The following KCNC1 variants were observed in gnomAD, a reference collection of about 807,000 sequenced individuals.
KCNC1 encodes potassium voltage-gated channel subfamily C member 1.
In KCNC1, 8 loss-of-function variants were observed where a neutral mutation model predicts 43.4. The ratio of observed to expected loss-of-function variants is 0.18; its 90% CI spans 0.11 to 0.33. The LOEUF is 0.33. Among genes scored for constraint, KCNC1 ranks in the 10% least tolerant of loss-of-function variants. The pLI is 1.00. For missense variants in KCNC1, 420 were observed against 836.0 expected, an observed-to-expected ratio of 0.50 and a Z score of 6.14; for synonymous variants, 361 against 360.5, an observed-to-expected ratio of 1.00 and a Z score of -0.01.
At chr11:17,772,960 C>G (rs998048150) in intron 2 of KCNC1, 2 of 1,144,006 alleles carry the variant, frequency 1.7e-6, no homozygotes, top group African/African-American at 1.6e-5. Flanking sequence ...AGGCTACTGA[C>G]CCGGTGTTGG....
chr11:17,778,928 G>A (rs1279994472), intron 2 of KCNC1, among the ~76,000 whole-genome samples: 2 of 152,066 alleles, frequency 1.3e-5, no homozygotes, highest in South Asian at 2.1e-4. Flanking sequence ...GGGAGATGGG[G>A]TAGAGTAGAT....
At position 17,782,056 on chromosome 11, in the gene KCNC1, G is replaced by C. The variant is rs570624446; in HGVS notation, c.*322G>C. ...ACCCACCAACCCCCTGCAACTGTAT[G>C]ATTACCCTGAACAACAATAATGAAA... On this transcript the variant is annotated 3_prime_UTR_variant, in exon 4 of 4. Coordinates refer to ENST00000265969, the MANE Select transcript of KCNC1 (RefSeq NM_001112741.2). 3.1e-6 allele frequency: 1 copy of C among 318,204 alleles called. No individual in the cohort carries two copies. Among genetic ancestry groups the C allele is most frequent in the Admixed American group, 4.9e-5 (1 of 20,476 alleles). The allele number at this position is 318,204 out of a possible 1,614,324, so 19.7% of individuals were successfully genotyped here.
chr11:17,743,499 G>C (rs1047350692), intron 1 of KCNC1, among the ~76,000 whole-genome samples: 4 of 152,262 alleles, frequency 2.6e-5, no homozygotes, highest in African/African-American at 7.2e-5. Context: ...AGGGCGCTCT[G>C]TCAGTCCCAA....
At chr11:17,760,942 T>G (rs1351863150) in intron 1 of KCNC1, among the ~76,000 whole-genome samples, 1 of 152,246 alleles carries the variant, frequency 6.6e-6, no homozygotes. Context: ...GTCATCTCTT[T>G]TCTTGTTACC....
At position 17,734,798 on chromosome 11, in the gene KCNC1, G is replaced by C. The variant is rs2133772556; in HGVS notation, c.-1205G>C. 6.6e-6 allele frequency: 1 copy of C among 151,798 alleles called. No individual in the cohort carries two copies. The highest frequency in any genetic ancestry group is 3.4e-3 in the Middle Eastern group (1 of 294). 9.4% of individuals were successfully genotyped at this position (151,798 alleles called of 1,614,324 possible). A position where few individuals can be genotyped will look rare whatever the true frequency, so the allele number is the denominator to read the frequency against. On this transcript the variant is annotated 5_prime_UTR_variant, in exon 1 of 4. Transcript: ENST00000265969. ...TGGACGCGGACCGCGCGAACGAGCA[G>C]GCGACGGGCGAGCAGCAAGCGGAGC...
At chr11:17,774,277 G>C (rs1849262010) in intron 2 of KCNC1, 1 of 985,504 alleles carries the variant, frequency 1.0e-6, no homozygotes, top group Non-Finnish European at 1.2e-6. Flanking sequence ...GGAGGAACGC[G>C]TGGGCTGGCC....
chr11:17,757,723 A>G (rs1477559933), intron 1 of KCNC1, among the ~76,000 whole-genome samples: 1 of 152,220 alleles, frequency 6.6e-6, no homozygotes, highest in Admixed American at 6.5e-5. Context: ...TAAAAGTTAT[A>G]TTTATACTAT....
chr11:17,737,717 A>C (rs960787078), intron 1 of KCNC1, among the ~76,000 whole-genome samples: 2 of 152,168 alleles, frequency 1.3e-5, no homozygotes, highest in African/African-American at 4.8e-5. Flanking sequence ...GGCAGAGTAG[A>C]GAATTTAAAG....
chr11:17,772,770 C>T (rs1849244864), intron 2 of KCNC1, 172 bp downstream of exon 2: 1 of 1,486,740 alleles, frequency 6.7e-7, no homozygotes, highest in Non-Finnish European at 8.9e-7. Flanking sequence ...CGGCCAAATT[C>T]AGCAGGCAAG....
At chr11:17,767,470 C>T (rs1408100481) in intron 1 of KCNC1, among the ~76,000 whole-genome samples, 1 of 152,138 alleles carries the variant, frequency 6.6e-6, no homozygotes, top group Non-Finnish European at 1.5e-5. Flanking sequence ...ACTGAAGGCA[C>T]ATAGTAGGTC....
chr11:17,775,111 G>A, intron 2 of KCNC1: 1 of 985,646 alleles, frequency 1.0e-6, no homozygotes, highest in Non-Finnish European at 1.2e-6. Flanking sequence ...GAAGGTAAAT[G>A]TGGTGGCCCC....
Position 17,735,836 on chromosome 11 carries a change from A to G in KCNC1, c.-167A>G, listed in dbSNP as rs1211846344. On this transcript the variant is annotated 5_prime_UTR_variant, in exon 1 of 4. Transcript: ENST00000265969. The surrounding 1 kb of genome is among the most constrained non-coding windows in gnomAD (Gnocchi z 6.7). ...CCGGCACCCGACAAAGCGCCCGGAG[A>G]GGCTTGGCTCGCTCGTTGGGGTGGC... 4.3e-6 allele frequency: 3 copies of G among 694,702 alleles called. No individual in the cohort carries two copies. The highest frequency in any genetic ancestry group is 6.4e-6 in the Non-Finnish European group (3 of 468,248). 43.0% of individuals were successfully genotyped at this position (694,702 alleles called of 1,614,324 possible).
In KCNC1 at chr11:17,781,849, G is replaced by A. The variant is rs1456460614; in HGVS notation, c.*115G>A. 3 of 711,966 alleles carry A rather than the reference G, an allele frequency of 4.2e-6. No homozygotes were observed. The highest frequency in any genetic ancestry group is 1.8e-5 in the African/African-American group (1 of 56,662). 44.1% of individuals were successfully genotyped at this position (711,966 alleles called of 1,614,324 possible). On this transcript the variant is annotated 3_prime_UTR_variant, in exon 4 of 4. Coordinates refer to ENST00000265969, the MANE Select transcript of KCNC1 (RefSeq NM_001112741.2). This position sits in a 1 kb window ranked among gnomAD's most constrained non-coding sequence, Gnocchi z 5.1. ...CCATGCAGGTTTGCCGGACGAGTCC[G>A]AGTGGCCCAGGCATTGTACTAGGAC...
chr11:17,767,792 A>C (rs1486884953), intron 1 of KCNC1, among the ~76,000 whole-genome samples: 1 of 151,824 alleles, frequency 6.6e-6, no homozygotes, highest in Non-Finnish European at 1.5e-5. Flanking sequence ...ACCTCTCCTG[A>C]CTCTCCCTGG....
Position 17,773,413 on chromosome 11 carries a change from C to A in KCNC1, c.1504+815C>A, listed in dbSNP as rs995747175. On this transcript the variant is annotated intron_variant, in intron 2 of 3. Transcript: ENST00000265969. This position sits in a 1 kb window ranked among gnomAD's most constrained non-coding sequence, Gnocchi z 4.1. ...CGAGCAAAAGACTAGAGGGGGCCACCACCCTGGGCAGCTTAGATGAAAGCG... is the reference window on the plus strand; with the variant it reads ...CGAGCAAAAGACTAGAGGGGGCCACAACCCTGGGCAGCTTAGATGAAAGCG... 6 of 985,358 alleles carry A rather than the reference C, an allele frequency of 6.1e-6. No homozygotes were observed. The highest frequency in any genetic ancestry group is 7.2e-6 in the Non-Finnish European group (6 of 829,918). 61.0% of individuals were successfully genotyped at this position (985,358 alleles called of 1,614,324 possible).
rs1377531838 is a variant in KCNC1 at position 17,777,475 on chromosome 11, C to G, written c.1505-1981C>G. ...GTCCTCTCCATACTGTTTCCCTCCC[C>G]TCTCCCAACACCCTCCTCCCTCAGC... On this transcript the variant is annotated intron_variant, in intron 2 of 3. Transcript: ENST00000265969. The surrounding 1 kb of genome is among the most constrained non-coding windows in gnomAD (Gnocchi z 4.3). 12 of 985,904 alleles carry G rather than the reference C, an allele frequency of 1.2e-5. No individual in the cohort carries two copies. The highest frequency in any genetic ancestry group is 5.1e-4 in the Middle Eastern group (1 of 1,944). The allele number at this position is 985,904 out of a possible 1,614,324, so 61.1% of individuals were successfully genotyped here.
intron 1 of KCNC1, among the ~76,000 whole-genome samples, chr11:17,745,678 C>G (rs1263847419): frequency 6.6e-6 from 1 of 152,164 alleles, no homozygotes; most frequent in African/African-American, 2.4e-5. Flanking sequence ...CCCTCCCTCC[C>G]CCAGCCTCCA....
intron 1 of KCNC1, among the ~76,000 whole-genome samples, chr11:17,763,757 C>A (rs1290988601): frequency 6.8e-6 from 1 of 147,488 alleles, no homozygotes; most frequent in Non-Finnish European, 1.5e-5. Flanking sequence ...CACCCACACC[C>A]ACACACAAAC....
At position 17,772,532 on chromosome 11, in the gene KCNC1, C is replaced by A. The variant is rs1554991425; in HGVS notation, c.1438C>A (p.His480Asn). Residue 480 changes from histidine (H) to asparagine (N), a missense_variant, in exon 2 of 4, where the codon CAC becomes AAC. This residue lies in a region of KCNC1 where 147 missense variants were observed against 176.1 expected (regional missense o/e 0.83). Transcript: ENST00000265969. ...NYCKSVVNSP[H>N]HSTQSDTCPL... is the part of the protein sequence containing the mutation. ...TTGTAAATCTGTCGTAAACTCTCCA[C>A]ACCACAGTACTCAGAGTGACACATG... The A allele has an allele frequency of 1.2e-6, 2 of 1,614,226 alleles. No homozygotes were observed. Among genetic ancestry groups the A allele is most frequent in the South Asian group, 1.1e-5 (1 of 91,084 alleles).
Sources: allele counts gnomAD v4.1 joint callset (sites outside exome capture counted in the v4.1 genomes callset), GRCh38; gene constraint gnomAD v4.1.1; regional missense constraint gnomAD v4.1.1; non-coding constraint Gnocchi (gnomAD v3.1); transcripts MANE v1.5; gene names NCBI Gene and HGNC (gene_info 2026-07-23, HGNC 2026-07-21).